HHAT: variants seen among roughly 807,000 people sequenced by gnomAD.
The protein encoded by HHAT is protein-cysteine N-palmitoyltransferase HHAT.
HHAT carries 47 observed loss-of-function variants against 70.8 expected under a neutral mutation model. The observed-to-expected ratio is 0.66, with a 90% confidence interval of 0.53 to 0.85. The LOEUF is 0.85. Ranked by LOEUF, HHAT falls within the 40% of genes least tolerant of loss-of-function variation. HHAT has a pLI of 0.00. For missense variants in HHAT, 609 were observed against 604.8 expected (o/e 1.01, Z -0.07); for synonymous variants, 228 against 247.6 (o/e 0.92, Z 0.74).
At chr1:210,465,091 C>G (rs2094071958) in intron 8 of HHAT, among the ~76,000 whole-genome samples, 2 of 152,108 alleles carry the variant, frequency 1.3e-5, no homozygotes, top group African/African-American at 4.8e-5. Context: ...TTTCATTTTT[C>G]TTATCTCTTA....
intron 11 of HHAT, among the ~76,000 whole-genome samples, chr1:210,624,727 G>C (rs1282714562): frequency 1.3e-5 from 2 of 152,146 alleles, no homozygotes; most frequent in Non-Finnish European, 2.9e-5. Context: ...TTTCCCTTGG[G>C]CTGGGACTGA....
At chr1:210,384,437 G>C (rs897147768) in intron 3 of HHAT, among the ~76,000 whole-genome samples, 1 of 152,216 alleles carries the variant, frequency 6.6e-6, no homozygotes, top group Non-Finnish European at 1.5e-5. Flanking sequence ...CAGTCATGTA[G>C]ATTGGTCCCC....
At chr1:210,632,254 A>G (rs1671010230) in intron 11 of HHAT, among the ~76,000 whole-genome samples, 1 of 152,248 alleles carries the variant, frequency 6.6e-6, no homozygotes, top group Non-Finnish European at 1.5e-5. Flanking sequence ...AGAAGTGATA[A>G]TGAAGCAGCA....
chr1:210,478,044 T>C (rs956496877), intron 8 of HHAT, among the ~76,000 whole-genome samples: 8 of 152,178 alleles, frequency 5.3e-5, no homozygotes, highest in Non-Finnish European at 1.0e-4. Flanking sequence ...TGCAGTCTGG[T>C]TTTAATGAAA....
rs777512219 is a variant in HHAT, at chr1:210,649,520, C to A, written c.1391-24768C>A. On this transcript the variant is annotated intron_variant, in intron 11 of 11. Transcript: ENST00000261458. ...CATGACTAACACAGACCTATATGAC[C>A]CTCAGATAGCAGAGTAATGCAGTAT... Among the ~76,000 whole-genome samples the A allele has an allele frequency of 8.5e-4, 129 of 152,308 alleles. 1 individual carries two copies. The highest frequency in any genetic ancestry group is 8.8e-4 in the Non-Finnish European group (60 of 68,036).
intron 7 of HHAT, among the ~76,000 whole-genome samples, chr1:210,453,431 G>C (rs981051045): frequency 4.6e-5 from 7 of 152,174 alleles, no homozygotes; most frequent in Non-Finnish European, 8.8e-5. Flanking sequence ...CAGAATGGAA[G>C]AGATGCCTGC....
intron 3 of HHAT, among the ~76,000 whole-genome samples, chr1:210,375,191 C>G (rs1462677796): frequency 6.6e-6 from 1 of 152,196 alleles, no homozygotes; most frequent in Non-Finnish European, 1.5e-5. Context: ...CCTTGAAGAG[C>G]TACTCTGTGC....
At chr1:210,578,858 A>G (rs1658521993) in intron 9 of HHAT, among the ~76,000 whole-genome samples, 1 of 152,242 alleles carries the variant, frequency 6.6e-6, no homozygotes, top group Non-Finnish European at 1.5e-5. Context: ...ACATGTATGT[A>G]GATGTTTACT....
chr1:210,374,377 G>C (rs533714873), intron 3 of HHAT: 1 of 152,324 alleles, frequency 6.6e-6, no homozygotes, highest in Admixed American at 6.5e-5. Context: ...TGCACAAAAA[G>C]AATTCTTTAA....
intron 11 of HHAT, among the ~76,000 whole-genome samples, chr1:210,630,049 G>C (rs746717037): frequency 1.3e-5 from 2 of 151,994 alleles, no homozygotes; most frequent in Admixed American, 1.3e-4. Context: ...CACCATGTTC[G>C]TCAGGCTGGT....
chr1:210,671,860 AG>A (rs778808670), intron 11 of HHAT, among the ~76,000 whole-genome samples: 74 of 152,222 alleles, frequency 4.9e-4, no homozygotes, highest in Non-Finnish European at 9.1e-4. Context: ...CCAGGCTGCC[AG>A]GGGTCGTCTG....
At chr1:210,371,780 C>T (rs768658043) in intron 3 of HHAT, among the ~76,000 whole-genome samples, 10 of 152,156 alleles carry the variant, frequency 6.6e-5, no homozygotes, top group South Asian at 4.1e-4. Flanking sequence ...ACAAAGCAAA[C>T]GTTGCCAAGA....
intron 3 of HHAT, among the ~76,000 whole-genome samples, chr1:210,368,859 C>T (rs904497638): frequency 9.9e-5 from 15 of 152,062 alleles, no homozygotes; most frequent in African/African-American, 3.6e-4. Flanking sequence ...GGGCGGATCA[C>T]CTGAGGTCAG....
intron 7 of HHAT, among the ~76,000 whole-genome samples, chr1:210,442,908 A>G (rs34760276): frequency 3.8e-4 from 58 of 151,924 alleles, no homozygotes; most frequent in Non-Finnish European, 2.8e-4. Context: ...TTGGTGTTTT[A>G]GACATGAAGT....
chr1:210,410,087 C>G (rs2092475869), intron 6 of HHAT, among the ~76,000 whole-genome samples: 2 of 151,448 alleles, frequency 1.3e-5, no homozygotes, highest in Non-Finnish European at 2.9e-5. Context: ...GAGTCTGGCT[C>G]TGTCGCCCAG....
intron 10 of HHAT, among the ~76,000 whole-genome samples, chr1:210,621,315 G>A (rs1200337554): frequency 1.3e-5 from 2 of 152,184 alleles, no homozygotes; most frequent in African/African-American, 2.4e-5. Context: ...GAGGCTGGGG[G>A]AGACTGATGG....
intron 4 of HHAT, among the ~76,000 whole-genome samples, chr1:210,389,688 CT>C (rs1370697314): frequency 6.6e-6 from 1 of 152,200 alleles, no homozygotes; most frequent in Non-Finnish European, 1.5e-5. Flanking sequence ...TCCAGTCATG[CT>C]TCCTGTTAAG....
chr1:210,434,971 T>C (rs1220225142), intron 7 of HHAT, among the ~76,000 whole-genome samples: 1 of 151,896 alleles, frequency 6.6e-6, no homozygotes, highest in Non-Finnish European at 1.5e-5. Context: ...TTTACCTTTT[T>C]AAATACTAGG....
chr1:210,662,680 C>A (rs868455246), intron 11 of HHAT, among the ~76,000 whole-genome samples: 1 of 150,818 alleles, frequency 6.6e-6, no homozygotes, highest in Non-Finnish European at 1.5e-5. Flanking sequence ...TTTTTCAGCA[C>A]CCCTTCTGCT....
Sources: allele counts gnomAD v4.1 joint callset (sites outside exome capture counted in the v4.1 genomes callset), GRCh38; gene constraint gnomAD v4.1.1; transcripts MANE v1.5; gene names NCBI Gene and HGNC (gene_info 2026-07-23, HGNC 2026-07-21).